PRKCB: variants seen among roughly 807,000 people sequenced by gnomAD.
PRKCB encodes protein kinase C beta.
Under a neutral mutation model 81.5 loss-of-function variants are expected in PRKCB, and 13 were observed. The observed-to-expected ratio is 0.16, with a 90% CI of 0.10 to 0.25. The LOEUF (loss-of-function observed/expected upper bound fraction) is 0.25. PRKCB is among the 10% of genes least tolerant of loss of function. The pLI, the probability that PRKCB is intolerant of heterozygous loss-of-function variation, is 1.00. For synonymous variants in PRKCB, 335 were observed against 321.4 expected (o/e 1.04, Z -0.45); for missense variants, 509 against 875.7 (o/e 0.58, Z 5.29).
In PRKCB at chr16:23,950,132, A is replaced by AGGTTTT. The variant is rs55986931; in HGVS notation, c.206-38376_206-38375insGGTTTT. On this transcript the variant is annotated intron_variant, in intron 2 of 16. Transcript: ENST00000643927. ...AGCAGCATTGGCCCCTATGATTTGAATTTTTTTTTTTTTTTTTTTTTTTTT... is the reference window on the plus strand; with the variant it reads ...AGCAGCATTGGCCCCTATGATTTGAAGGTTTTTTTTTTTTTTTTTTTTTTTTTTTTT... 3.7e-4 allele frequency among the ~76,000 whole-genome samples: 36 copies of AGGTTTT among 97,774 alleles called. 1 individual carries two copies. Among genetic ancestry groups the AGGTTTT allele is most frequent in the Non-Finnish European group, 5.5e-4 (28 of 51,194 alleles). 64.1% of individuals were successfully genotyped at this position (97,774 alleles called of 152,430 possible).
intron 2 of PRKCB, among the ~76,000 whole-genome samples, chr16:23,942,855 C>T (rs190437773): frequency 6.6e-6 from 1 of 152,274 alleles, no homozygotes; most frequent in Admixed American, 6.5e-5. Flanking sequence ...TTAACGTCTG[C>T]CCCTAGTCTG....
rs761316526 is a variant in PRKCB, at chr16:24,191,366, T to G, written c.1863+136T>G. 4 of 960,728 alleles carry G rather than the reference T, an allele frequency of 4.2e-6. No homozygotes were observed. In the African/African-American group the frequency reaches 6.6e-5, roughly 16 times the overall value. 59.5% of individuals were successfully genotyped at this position (960,728 alleles called of 1,614,324 possible). ...GAACATGGGTGTATGTATTCACACA[T>G]ATGCACAAAATCACTGGTTACTAAG... On this transcript the variant is annotated intron_variant, in intron 16 of 16. Coordinates refer to ENST00000643927, the MANE Select transcript of PRKCB (RefSeq NM_002738.7).
In PRKCB at chr16:24,174,327, C is replaced by A; in HGVS notation, c.1332-191C>A. 7.2e-6 allele frequency: 4 copies of A among 555,782 alleles called. No individual in the cohort carries two copies. In the South Asian group the frequency reaches 1.0e-4, roughly 14 times the overall value. The allele number at this position is 555,782 out of a possible 1,614,324, so 34.4% of individuals were successfully genotyped here. A position where few individuals can be genotyped will look rare whatever the true frequency, so the allele number is the denominator to read the frequency against. On this transcript the variant is annotated intron_variant, in intron 11 of 16. Transcript: ENST00000643927. Reference sequence around the variant, plus strand: ...GCCTACCCCCAGTTTGTCCTTAAGGCAACCCCATCACCCTCTAAACCACCC... The same window carrying A: ...GCCTACCCCCAGTTTGTCCTTAAGGAAACCCCATCACCCTCTAAACCACCC...
At chr16:23,841,289 A>G (rs1962259521) in intron 2 of PRKCB, among the ~76,000 whole-genome samples, 1 of 152,038 alleles carries the variant, frequency 6.6e-6, no homozygotes, top group African/African-American at 2.4e-5. Flanking sequence ...CATTTTGGCC[A>G]GGCTGGTCTT....
rs374730146 is a variant in PRKCB, at chr16:24,119,648, G to C, written c.919-4187G>C. On this transcript the variant is annotated intron_variant, in intron 8 of 16. Coordinates refer to ENST00000643927, the MANE Select transcript of PRKCB (RefSeq NM_002738.7). ...AAGTGTTTGGGTCAGGCCAGCTTGG[G>C]GGTGATGATTTAGGAGGGTGTGAGG... Among the ~76,000 whole-genome samples, 14 of 152,104 alleles carry C rather than the reference G, an allele frequency of 9.2e-5. 2 individuals are homozygous for C. Among genetic ancestry groups the C allele is most frequent in the Admixed American group, 4.6e-4 (7 of 15,268 alleles).
intron 2 of PRKCB, among the ~76,000 whole-genome samples, chr16:23,843,886 T>C (rs1027232822): frequency 6.6e-6 from 1 of 152,026 alleles, no homozygotes; most frequent in Non-Finnish European, 1.5e-5. Context: ...TTATACACAT[T>C]TGTACTGTTG....
intron 8 of PRKCB, among the ~76,000 whole-genome samples, chr16:24,117,844 T>G (rs1198374957): frequency 3.3e-5 from 5 of 152,200 alleles, no homozygotes; most frequent in Non-Finnish European, 2.9e-5. Flanking sequence ...AATGCATGCC[T>G]CAGAATTTCC....
At chr16:23,968,110 C>T (rs1194532765) in intron 2 of PRKCB, among the ~76,000 whole-genome samples, 1 of 152,110 alleles carries the variant, frequency 6.6e-6, no homozygotes, top group Admixed American at 6.5e-5. Flanking sequence ...CTTTGTGGGT[C>T]TTTGAGTTTG....
At chr16:24,066,176 T>G (rs61686575) in intron 5 of PRKCB, among the ~76,000 whole-genome samples, 2,606 of 152,004 alleles carry the variant, frequency 0.017, 67 homozygotes, top group African/African-American at 0.058. Context: ...ATGTTTTTCA[T>G]TAGTATTTTC....
intron 3 of PRKCB, among the ~76,000 whole-genome samples, chr16:24,029,036 C>T (rs968911251): frequency 2.0e-5 from 3 of 152,184 alleles, no homozygotes; most frequent in Non-Finnish European, 2.9e-5. Context: ...AGCGATCTGC[C>T]CGCCTCGGCC....
At chr16:24,017,719 A>G (rs975592817) in intron 3 of PRKCB, among the ~76,000 whole-genome samples, 1 of 152,016 alleles carries the variant, frequency 6.6e-6, no homozygotes, top group Non-Finnish European at 1.5e-5. Context: ...AACAGTGAAC[A>G]TTTCTTCTTT....
chr16:24,060,175 G>T (rs1423525940), intron 5 of PRKCB, among the ~76,000 whole-genome samples: 1 of 152,184 alleles, frequency 6.6e-6, no homozygotes, highest in African/African-American at 2.4e-5. Context: ...AGGTGTTCAA[G>T]TCCCAGCTCT....
intron 2 of PRKCB, among the ~76,000 whole-genome samples, chr16:23,982,132 C>T (rs1596497484): frequency 1.3e-4 from 3 of 23,514 alleles, no homozygotes; most frequent in African/African-American, 2.2e-4. Flanking sequence ...CCCTTCCCTT[C>T]CCTTTCCCTT....
At chr16:23,887,221 A>G (rs977983450) in intron 2 of PRKCB, among the ~76,000 whole-genome samples, 3 of 152,106 alleles carry the variant, frequency 2.0e-5, no homozygotes, top group Non-Finnish European at 2.9e-5. Flanking sequence ...TTTATTTTAG[A>G]TTCATGGAGT....
intron 2 of PRKCB, among the ~76,000 whole-genome samples, chr16:23,883,442 G>A (rs550501807): frequency 6.6e-6 from 1 of 152,124 alleles, no homozygotes; most frequent in East Asian, 1.9e-4. Flanking sequence ...ATCATAAGGG[G>A]CCCCACAGGA....
chr16:24,045,386 T>C (rs1567355250), intron 5 of PRKCB, among the ~76,000 whole-genome samples: 1 of 152,254 alleles, frequency 6.6e-6, no homozygotes, highest in South Asian at 2.1e-4. Context: ...TGGTGTTTGA[T>C]GTTTTTTGCC....
At chr16:24,185,778 C>T (rs1967695020) in intron 15 of PRKCB, among the ~76,000 whole-genome samples, 1 of 152,176 alleles carries the variant, frequency 6.6e-6, no homozygotes, top group Admixed American at 6.5e-5. Flanking sequence ...TAGAGAGCTG[C>T]CTGCAGCTGC....
At chr16:24,204,752 A>G (rs1968018001) in intron 16 of PRKCB, among the ~76,000 whole-genome samples, 1 of 152,226 alleles carries the variant, frequency 6.6e-6, no homozygotes, top group African/African-American at 2.4e-5. Context: ...CCAGCCATCT[A>G]GGATACAAAC....
At chr16:23,851,761 A>G (rs1220859343) in intron 2 of PRKCB, among the ~76,000 whole-genome samples, 1 of 152,096 alleles carries the variant, frequency 6.6e-6, no homozygotes, top group African/African-American at 2.4e-5. Flanking sequence ...AGTTTCTTTC[A>G]TCAGTGTTGT....
Sources: allele counts gnomAD v4.1 joint callset (sites outside exome capture counted in the v4.1 genomes callset), GRCh38; gene constraint gnomAD v4.1.1; transcripts MANE v1.5; gene names NCBI Gene and HGNC (gene_info 2026-07-23, HGNC 2026-07-21).